Variants in INPP4B observed in about 807,000 individuals in gnomAD.
The protein encoded by INPP4B is inositol polyphosphate-4-phosphatase type II B.
In INPP4B, 55 loss-of-function variants were observed where a neutral mutation model predicts 122.5. That is an observed-to-expected ratio of 0.45 (90% CI 0.36 to 0.56). INPP4B has a LOEUF of 0.56. Ranked by LOEUF, INPP4B falls within the 20% of genes least tolerant of loss-of-function variation. INPP4B has a pLI of 0.00. For synonymous variants in INPP4B, 403 were observed against 388.7 expected (o/e 1.04, Z -0.43); for missense variants, 1,000 against 1,097.7 (o/e 0.91, Z 1.26).
chr4:142,744,957 G>A (rs1016706586), intron 1 of INPP4B, among the ~76,000 whole-genome samples: 2 of 151,706 alleles, frequency 1.3e-5, no homozygotes, highest in Non-Finnish European at 2.9e-5. Flanking sequence ...ATGTGCAAAA[G>A]AAGGTACAAT....
intron 3 of INPP4B, among the ~76,000 whole-genome samples, 199 bp downstream of exon 3, chr4:142,462,464 C>A (rs1484102719): frequency 1.3e-5 from 2 of 152,010 alleles, no homozygotes; most frequent in Non-Finnish European, 2.9e-5. Flanking sequence ...CTAACTAAAA[C>A]CCTCAAAATT....
At chr4:142,037,272 T>G (rs1744566882) in intron 25 of INPP4B, among the ~76,000 whole-genome samples, 1 of 152,188 alleles carries the variant, frequency 6.6e-6, no homozygotes, top group Admixed American at 6.5e-5. Flanking sequence ...CATGAGGAGA[T>G]ATATCCGTAA....
At chr4:142,770,339 T>A (rs578127105) in intron 1 of INPP4B, among the ~76,000 whole-genome samples, 2 of 152,148 alleles carry the variant, frequency 1.3e-5, no homozygotes, top group Non-Finnish European at 2.9e-5. Context: ...AAGATAAACA[T>A]TTAATCATGT....
intron 5 of INPP4B, among the ~76,000 whole-genome samples, chr4:142,421,612 C>A (rs1355645493): frequency 1.3e-5 from 2 of 152,060 alleles, no homozygotes; most frequent in African/African-American, 4.8e-5. Context: ...GAATTATAAG[C>A]AATAAAGAGA....
At position 142,797,198 on chromosome 4, in the gene INPP4B, A is replaced by T. The variant is rs535094618; in HGVS notation, c.-254+49011T>A. 2.6e-4 allele frequency among the ~76,000 whole-genome samples: 39 copies of T among 151,934 alleles called. 2 individuals are homozygous for T. In the South Asian group the frequency reaches 7.7e-3, roughly 30 times the overall value. Reference sequence around the variant, plus strand: ...TGTCCTTATAAAAAAGCAGATAGAGAGCTCTAGATTCAGAGAAATTAAGAA... The same window carrying T: ...TGTCCTTATAAAAAAGCAGATAGAGTGCTCTAGATTCAGAGAAATTAAGAA... On this transcript the variant is annotated intron_variant, in intron 1 of 25. Transcript: ENST00000262992.
chr4:142,171,328 G>A (rs905840035), intron 16 of INPP4B, among the ~76,000 whole-genome samples: 1 of 151,720 alleles, frequency 6.6e-6, no homozygotes, highest in Non-Finnish European at 1.5e-5. Context: ...ATGCTATATG[G>A]ATTAGTCCCT....
chr4:142,098,596 T>C (rs568891091), intron 23 of INPP4B, among the ~76,000 whole-genome samples: 1 of 152,028 alleles, frequency 6.6e-6, no homozygotes, highest in Non-Finnish European at 1.5e-5. Flanking sequence ...GCATATATTT[T>C]GGAAGTGGAG....
intron 11 of INPP4B, among the ~76,000 whole-genome samples, chr4:142,244,644 T>C (rs972929474): frequency 6.6e-6 from 1 of 152,148 alleles, no homozygotes; most frequent in Non-Finnish European, 1.5e-5. Flanking sequence ...GGCATTTGGG[T>C]TGATTCCAAG....
chr4:142,239,879 CTT>C (rs897009144), intron 11 of INPP4B, among the ~76,000 whole-genome samples: 1 of 150,628 alleles, frequency 6.6e-6, no homozygotes, highest in Non-Finnish European at 1.5e-5. Flanking sequence ...TTTTCAACCT[CTT>C]TTTTTTTCAT....
At chr4:142,763,003 A>G (rs1404724025) in intron 1 of INPP4B, among the ~76,000 whole-genome samples, 1 of 152,130 alleles carries the variant, frequency 6.6e-6, no homozygotes, top group Non-Finnish European at 1.5e-5. Flanking sequence ...GCCGAGAGCA[A>G]TCCTCACCAA....
chr4:142,385,895 G>A (rs1795808185), intron 7 of INPP4B, among the ~76,000 whole-genome samples: 1 of 152,046 alleles, frequency 6.6e-6, no homozygotes, highest in Non-Finnish European at 1.5e-5. Flanking sequence ...TCACATAGTT[G>A]TTACTTTTTT....
intron 12 of INPP4B, among the ~76,000 whole-genome samples, chr4:142,213,046 G>A (rs1386762513): frequency 6.6e-6 from 1 of 152,176 alleles, no homozygotes; most frequent in Non-Finnish European, 1.5e-5. Context: ...TAAGCTCACT[G>A]TTGTGCCTTC....
intron 2 of INPP4B, among the ~76,000 whole-genome samples, chr4:142,652,155 C>T (rs181766869): frequency 5.5e-4 from 84 of 152,148 alleles, no homozygotes; most frequent in African/African-American, 8.9e-4. Context: ...AAAAGGCCTT[C>T]GACAAAATTC....
In INPP4B at chr4:142,651,719, G is replaced by T. The variant is rs576950197; in HGVS notation, c.-191+74120C>A. ...ACCAATCACAGACTATGAAATTAAG[G>T]CAATAATTAACAGCCTACCAACCAA... On this transcript the variant is annotated intron_variant, in intron 2 of 25. Transcript: ENST00000262992. 2.0e-5 allele frequency among the ~76,000 whole-genome samples: 3 copies of T among 152,146 alleles called. No homozygotes were observed. The South Asian group carries it at 6.2e-4, about 32-fold the overall frequency.
chr4:142,621,730 A>G (rs1304024459), intron 2 of INPP4B, among the ~76,000 whole-genome samples: 5 of 151,888 alleles, frequency 3.3e-5, no homozygotes, highest in Non-Finnish European at 1.5e-5. Flanking sequence ...GTAATCACAT[A>G]TTCTATGTAC....
At chr4:142,390,471 A>C (rs2148980880) in intron 7 of INPP4B, among the ~76,000 whole-genome samples, 1 of 152,302 alleles carries the variant, frequency 6.6e-6, no homozygotes, top group African/African-American at 2.4e-5. Context: ...TTAAACCTTT[A>C]ACATATTTGA....
chr4:142,259,889 T>C lies in INPP4B; in HGVS notation c.688+603A>G, dbSNP rs375511082. ...GGATCATCAAGATGTTACTAGGCAA[T>C]AGAAATATTTTAGCTGTGTTATAAT... On this transcript the variant is annotated intron_variant, in intron 11 of 25. Coordinates refer to ENST00000262992, the MANE Select transcript of INPP4B (RefSeq NM_001101669.3). Among the ~76,000 whole-genome samples, 284 of 152,252 alleles carry C rather than the reference T, an allele frequency of 1.9e-3. 1 individual carries two copies. The highest frequency in any genetic ancestry group is 5.6e-3 in the African/African-American group (231 of 41,536).
At chr4:142,452,472 T>G (rs1814508762) in intron 3 of INPP4B, among the ~76,000 whole-genome samples, 1 of 152,226 alleles carries the variant, frequency 6.6e-6, no homozygotes. Context: ...AATCTCCATC[T>G]GTTCTTTGAA....
At chr4:142,616,100 C>A (rs940787522) in intron 2 of INPP4B, among the ~76,000 whole-genome samples, 1 of 151,974 alleles carries the variant, frequency 6.6e-6, no homozygotes, top group African/African-American at 2.4e-5. Flanking sequence ...AGGTGAGGGG[C>A]AGAACTACAT....
Sources: gnomAD v4.1 joint callset for allele counts (sites outside exome capture counted in the v4.1 genomes callset) on GRCh38, gnomAD v4.1.1 for gene constraint, MANE v1.5 for transcripts, NCBI Gene and HGNC (gene_info 2026-07-23, HGNC 2026-07-21) for gene names.